Variants in MATN2 observed in about 807,000 individuals in gnomAD.
MATN2 encodes matrilin-2.
A neutral mutation model predicts 103.2 loss-of-function variants in MATN2; 69 were observed. The ratio of observed to expected loss-of-function variants is 0.67; its 90% CI spans 0.55 to 0.82. The LOEUF (loss-of-function observed/expected upper bound fraction) is 0.82, where lower values mean the gene tolerates loss of function less well. MATN2 is among the 40% of genes least tolerant of loss of function. The pLI is 0.00. For missense variants in MATN2, 1,023 were observed against 1,211.5 expected (o/e 0.84, Z 2.31); for synonymous variants, 429 against 450.2 (o/e 0.95, Z 0.60).
chr8:97,916,865 T>TA (rs1435385041), intron 2 of MATN2, among the ~76,000 whole-genome samples: 2 of 152,196 alleles, frequency 1.3e-5, no homozygotes, highest in Non-Finnish European at 2.9e-5. Flanking sequence ...TTGAACCTCA[T>TA]ATGACGTCTC....
intron 13 of MATN2, among the ~76,000 whole-genome samples, chr8:98,026,403 G>A (rs991054062): frequency 6.6e-6 from 1 of 152,082 alleles, no homozygotes; most frequent in Admixed American, 6.5e-5. Flanking sequence ...AGGGCTACAG[G>A]CATGCACTAC....
chr8:98,031,014 T>A (rs1489198771), intron 15 of MATN2, among the ~76,000 whole-genome samples: 1 of 152,094 alleles, frequency 6.6e-6, no homozygotes, highest in Non-Finnish European at 1.5e-5. Context: ...GTCTCCTTCA[T>A]GGGCAGGGCC....
chr8:97,921,378 C>G (rs921940285), intron 2 of MATN2, among the ~76,000 whole-genome samples: 1 of 152,112 alleles, frequency 6.6e-6, no homozygotes, highest in African/African-American at 2.4e-5. Flanking sequence ...GAATAGAGCA[C>G]GACTGAGTCA....
Position 98,003,776 on chromosome 8 carries a change from C to T in MATN2, c.1320C>T (p.Thr440=). The T allele has an allele frequency of 6.2e-7, 1 of 1,613,848 alleles. No individual in the cohort carries two copies. The highest frequency in any genetic ancestry group is 8.5e-7 in the Non-Finnish European group (1 of 1,179,790). Residue 440 remains threonine, a synonymous_variant, in exon 8 of 19, where the codon ACC becomes ACT. Coordinates refer to ENST00000254898, the MANE Select transcript of MATN2 (RefSeq NM_002380.5). ...RGYTLDPNGK[T]CSRVDHCAQQ... Reference sequence around the variant, plus strand: ...ACACTCTGGACCCCAATGGCAAAACCTGCAGCCGTGAGTGTACCCTAGGGG... The same window carrying T: ...ACACTCTGGACCCCAATGGCAAAACTTGCAGCCGTGAGTGTACCCTAGGGG...
At position 98,036,187 on chromosome 8, in the gene MATN2, C is replaced by T. The variant is rs145016770; in HGVS notation, c.*475C>T. ...TGTGGAACAAGTTGGATTTTTTATA[C>T]AATATTAAAATTCACCACTTCAGAG... On this transcript the variant is annotated 3_prime_UTR_variant, in exon 19 of 19. Coordinates refer to ENST00000254898, the MANE Select transcript of MATN2 (RefSeq NM_002380.5). 1 of 152,376 alleles carries T rather than the reference C, an allele frequency of 6.6e-6. No homozygotes were observed. The highest frequency in any genetic ancestry group is 2.4e-5 in the African/African-American group (1 of 41,516). 9.4% of individuals were successfully genotyped at this position (152,376 alleles called of 1,614,324 possible). A position where few individuals can be genotyped will look rare whatever the true frequency, so the allele number is the denominator to read the frequency against.
At chr8:98,026,537 G>A (rs748414657) in intron 13 of MATN2, among the ~76,000 whole-genome samples, 9 of 152,120 alleles carry the variant, frequency 5.9e-5, no homozygotes, top group Admixed American at 1.3e-4. Context: ...GATTATAGGC[G>A]TGAGCCACTG....
chr8:97,988,995 A>G (rs1961270), intron 6 of MATN2, among the ~76,000 whole-genome samples: 22,864 of 152,186 alleles, frequency 0.15, 1,971 homozygotes, highest in African/African-American at 0.22. Flanking sequence ...AATACATCAC[A>G]ACCAAGTGGG....
intron 4 of MATN2, among the ~76,000 whole-genome samples, chr8:97,955,099 A>C (rs767999339): frequency 6.6e-5 from 10 of 152,194 alleles, no homozygotes; most frequent in Non-Finnish European, 1.5e-4. Flanking sequence ...GGGCCATGTA[A>C]ATGGAGCAGA....
chr8:97,874,002 T>C (rs971918301), intron 1 of MATN2, among the ~76,000 whole-genome samples: 2 of 152,188 alleles, frequency 1.3e-5, no homozygotes, highest in Non-Finnish European at 2.9e-5. Flanking sequence ...TTCTAGCTGC[T>C]TCTCCTCTTC....
At chr8:97,914,358 CTTTTTTTTTTTTTT>C (rs149996231) in intron 2 of MATN2, among the ~76,000 whole-genome samples, 31 of 52,996 alleles carry the variant, frequency 5.8e-4, no homozygotes, top group East Asian at 2.0e-3. Context: ...AAATCCAGAC[CTTTTTTTTTTTTTT>C]TTTTTTTTTT....
intron 10 of MATN2, among the ~76,000 whole-genome samples, chr8:98,015,529 T>G (rs932346966): frequency 6.6e-6 from 1 of 152,244 alleles, no homozygotes; most frequent in Admixed American, 6.5e-5. Context: ...AGTTTGCAAA[T>G]GCTGTTCTTT....
chr8:97,949,141 G>A (rs1049269841), intron 4 of MATN2, among the ~76,000 whole-genome samples: 1 of 151,494 alleles, frequency 6.6e-6, no homozygotes, highest in Non-Finnish European at 1.5e-5. Flanking sequence ...TTATCAGACA[G>A]GAGATATCAC....
At chr8:97,920,706 C>T (rs1413325785) in intron 2 of MATN2, among the ~76,000 whole-genome samples, 2 of 152,072 alleles carry the variant, frequency 1.3e-5, no homozygotes, top group African/African-American at 4.8e-5. Context: ...TGCCTGTAGT[C>T]CCAGCTACTC....
chr8:98,001,525 C>T (rs913781335), intron 7 of MATN2, among the ~76,000 whole-genome samples: 1 of 145,928 alleles, frequency 6.9e-6, no homozygotes, highest in Non-Finnish European at 1.5e-5. Context: ...AGTGCAGTGG[C>T]ACAATCTCAG....
chr8:98,011,870 C>T (rs545076010), intron 10 of MATN2, among the ~76,000 whole-genome samples: 12 of 152,178 alleles, frequency 7.9e-5, no homozygotes, highest in Non-Finnish European at 1.2e-4. Context: ...CCTGTGTCAG[C>T]GTGCAGGGCT....
chr8:97,937,548 A>G (rs1188551791), intron 3 of MATN2, among the ~76,000 whole-genome samples: 3 of 149,514 alleles, frequency 2.0e-5, no homozygotes, highest in Admixed American at 6.7e-5. Context: ...CTGAAACCCA[A>G]TGCAATAGTT....
At chr8:97,968,359 C>G (rs1169571540) in intron 5 of MATN2, among the ~76,000 whole-genome samples, 1 of 152,262 alleles carries the variant, frequency 6.6e-6, no homozygotes, top group African/African-American at 2.4e-5. Flanking sequence ...GGTTGCTCCA[C>G]AGCCTGCTTG....
At chr8:97,872,345 T>C (rs1003330188) in intron 1 of MATN2, among the ~76,000 whole-genome samples, 1 of 152,226 alleles carries the variant, frequency 6.6e-6, no homozygotes. Flanking sequence ...AAAAGTACTG[T>C]CAGAGGAACC....
In MATN2 at chr8:98,027,626, T is replaced by A; in HGVS notation, c.2153T>A (p.Met718Lys). The A allele has an allele frequency of 6.2e-7, 1 of 1,613,492 alleles. No homozygotes were observed. ...TLRNFNSAKD[M>K]KKAVAHMKYM... ...AGAAACTTCAACTCAGCCAAAGACA[T>A]GAAAAAAGCCGTGGCCCACATGAAA... The change falls in exon 14 of 19, where the codon ATG becomes AAG. Residue 718 changes from methionine (M) to lysine (K), a missense_variant. Transcript: ENST00000254898.
Sources: gnomAD v4.1 joint callset for allele counts (sites outside exome capture counted in the v4.1 genomes callset) on GRCh38, gnomAD v4.1.1 for gene constraint, MANE v1.5 for transcripts, NCBI Gene and HGNC (gene_info 2026-07-23, HGNC 2026-07-21) for gene names.